Variants in ARHGAP28 observed in about 807,000 individuals in gnomAD.
ARHGAP28 encodes Rho GTPase activating protein 28.
A neutral mutation model predicts 90.7 loss-of-function variants in ARHGAP28; 56 were observed. That is an observed-to-expected ratio of 0.62 (90% CI 0.50 to 0.77). ARHGAP28 has a LOEUF of 0.77. ARHGAP28 is among the 30% of genes least tolerant of loss of function. ARHGAP28 has a pLI of 0.00. For synonymous variants in ARHGAP28, 308 were observed against 323.3 expected, an observed-to-expected ratio of 0.95 and a Z score of 0.51; for missense variants, 869 against 900.9, an observed-to-expected ratio of 0.96 and a Z score of 0.45.
intron 3 of ARHGAP28, among the ~76,000 whole-genome samples, chr18:6,844,653 A>C (rs566311137): frequency 7.9e-5 from 12 of 152,166 alleles, no homozygotes; most frequent in African/African-American, 2.9e-4. Context: ...TTGTATCCCA[A>C]CTCCTCTTTT....
chr18:6,857,407 G>A (rs1164923476), intron 4 of ARHGAP28, among the ~76,000 whole-genome samples: 1 of 152,218 alleles, frequency 6.6e-6, no homozygotes, highest in Non-Finnish European at 1.5e-5. Context: ...TTTTTCCAGT[G>A]ATTTTGGAAA....
chr18:6,895,470 G>A (rs1326496902), intron 15 of ARHGAP28, among the ~76,000 whole-genome samples: 1 of 152,200 alleles, frequency 6.6e-6, no homozygotes, highest in African/African-American at 2.4e-5. Context: ...CAGTTCTTGA[G>A]GCTGAAAGTC....
rs1465240541 is a variant in ARHGAP28, at chr18:6,912,977, A to T, written c.*823A>T. The T allele has an allele frequency of 2.6e-5, 4 of 152,232 alleles. No homozygotes were observed. Among genetic ancestry groups the T allele is most frequent in the Non-Finnish European group, 5.9e-5 (4 of 68,044 alleles). 9.4% of individuals were successfully genotyped at this position (152,232 alleles called of 1,614,324 possible). ...GATGCTCAGTATCTTTCCAAGTGCC[A>T]GGCACGGGCTTCCTTTTCTGATCAA... On this transcript the variant is annotated 3_prime_UTR_variant, in exon 18 of 18. Coordinates refer to ENST00000383472, the MANE Select transcript of ARHGAP28 (RefSeq NM_001366230.1).
chr18:6,741,176 CT>C (rs2055974241), intron 1 of ARHGAP28, among the ~76,000 whole-genome samples: 1 of 152,174 alleles, frequency 6.6e-6, no homozygotes. Flanking sequence ...AAAAAAATTA[CT>C]GACCTCAACA....
chr18:6,831,471 GTTT>G (rs57331018), intron 2 of ARHGAP28, among the ~76,000 whole-genome samples: 2,654 of 109,330 alleles, frequency 0.024, 61 homozygotes, highest in African/African-American at 0.073. Flanking sequence ...GTATCTTGAT[GTTT>G]TTTTTTTTTT....
intron 1 of ARHGAP28, among the ~76,000 whole-genome samples, chr18:6,801,063 C>T (rs1305960006): frequency 3.3e-5 from 5 of 152,094 alleles, no homozygotes; most frequent in African/African-American, 1.2e-4. Context: ...TTCAAATATA[C>T]CTAAGCCAAG....
chr18:6,842,216 G>A (rs555437507), intron 3 of ARHGAP28, among the ~76,000 whole-genome samples: 19 of 152,134 alleles, frequency 1.2e-4, no homozygotes, highest in African/African-American at 3.4e-4. Flanking sequence ...AGCCAGTTGC[G>A]GTGGCACGTA....
intron 4 of ARHGAP28, among the ~76,000 whole-genome samples, chr18:6,858,470 A>G (rs759767556): frequency 3.3e-5 from 5 of 151,778 alleles, no homozygotes; most frequent in African/African-American, 4.8e-5. Flanking sequence ...TAAGAAATAT[A>G]TATTTTTCTG....
chr18:6,876,257 C>A (rs1251087883), intron 10 of ARHGAP28, 49 bp downstream of exon 10: 6 of 1,374,326 alleles, frequency 4.4e-6, no homozygotes, highest in African/African-American at 1.4e-5. Context: ...GCTAGCTAGA[C>A]CCAGTTCACA....
At chr18:6,889,642 T>C (rs908072844) in intron 12 of ARHGAP28, among the ~76,000 whole-genome samples, 6 of 152,182 alleles carry the variant, frequency 3.9e-5, no homozygotes, top group Non-Finnish European at 8.8e-5. Flanking sequence ...CAAACCACAT[T>C]TATAGAAACT....
At chr18:6,851,946 G>A (rs2056913914) in intron 4 of ARHGAP28, among the ~76,000 whole-genome samples, 1 of 151,930 alleles carries the variant, frequency 6.6e-6, no homozygotes, top group Admixed American at 6.6e-5. Context: ...CATTTTGGGG[G>A]GTGCTTGTTT....
At chr18:6,863,992 T>C (rs546592221) in intron 5 of ARHGAP28, among the ~76,000 whole-genome samples, 179 of 152,000 alleles carry the variant, frequency 1.2e-3, no homozygotes, top group African/African-American at 4.0e-3. Context: ...ACCATGTTGG[T>C]CAGACTGGTC....
intron 1 of ARHGAP28, among the ~76,000 whole-genome samples, chr18:6,781,466 A>G (rs2056323882): frequency 6.6e-6 from 1 of 152,114 alleles, no homozygotes; most frequent in Non-Finnish European, 1.5e-5. Flanking sequence ...TTTCTCTCTC[A>G]GCTAAAGTGG....
intron 5 of ARHGAP28, among the ~76,000 whole-genome samples, chr18:6,864,530 C>T (rs2057023408): frequency 6.6e-6 from 1 of 152,042 alleles, no homozygotes; most frequent in African/African-American, 2.4e-5. Flanking sequence ...CATGCATACA[C>T]ATACACAAAT....
At chr18:6,757,144 C>T (rs1057296031) in intron 1 of ARHGAP28, among the ~76,000 whole-genome samples, 7 of 152,222 alleles carry the variant, frequency 4.6e-5, no homozygotes, top group African/African-American at 1.7e-4. Flanking sequence ...CTCTTTCTAA[C>T]CGTTTGCAAA....
chr18:6,896,489 T>C lies in ARHGAP28; in HGVS notation c.1906-13T>C. On this transcript the variant is annotated splice_polypyrimidine_tract_variant and intron_variant, in intron 15 of 17. Transcript: ENST00000383472. ...AGTTTGACAGACTGTACTGAATTTC[T>C]CCTCCTTGGCAGTCTGACGTGCCGG... is the stretch of plus-strand genomic sequence containing the variant. 6.2e-7 allele frequency: 1 copy of C among 1,613,652 alleles called. No homozygotes were observed. Among genetic ancestry groups the C allele is most frequent in the Non-Finnish European group, 8.5e-7 (1 of 1,179,742 alleles).
At chr18:6,878,818 G>A (rs530222414) in intron 10 of ARHGAP28, among the ~76,000 whole-genome samples, 1 of 152,172 alleles carries the variant, frequency 6.6e-6, no homozygotes, top group Non-Finnish European at 1.5e-5. Flanking sequence ...AAACACTGCC[G>A]TTAGAAAGAC....
intron 1 of ARHGAP28, among the ~76,000 whole-genome samples, chr18:6,817,443 G>A (rs1405827547): frequency 6.6e-6 from 1 of 152,110 alleles, no homozygotes; most frequent in Non-Finnish European, 1.5e-5. Context: ...CCCCTTAGTG[G>A]GATACAGAGG....
intron 1 of ARHGAP28, among the ~76,000 whole-genome samples, chr18:6,786,701 C>T (rs190033683): frequency 7.9e-5 from 12 of 152,210 alleles, no homozygotes; most frequent in Admixed American, 7.2e-4. Context: ...AAATTATCCT[C>T]ACAGCAAGAA....
Sources: gnomAD v4.1 joint callset for allele counts (sites outside exome capture counted in the v4.1 genomes callset) on GRCh38, gnomAD v4.1.1 for gene constraint, MANE v1.5 for transcripts, NCBI Gene and HGNC (gene_info 2026-07-23, HGNC 2026-07-21) for gene names.